PRDM10: variants seen among roughly 807,000 people sequenced by gnomAD.
PRDM10 encodes PR/SET domain 10, also known as PR domain zinc finger protein 10.
A neutral mutation model predicts 133.1 loss-of-function variants in PRDM10; 65 were observed. The observed-to-expected ratio is 0.49, with a 90% CI of 0.40 to 0.60. PRDM10 has a LOEUF of 0.60. PRDM10 is among the 20% of genes least tolerant of loss of function. The pLI, the probability that PRDM10 is intolerant of heterozygous loss-of-function variation, is 0.00. For missense variants in PRDM10, 1,137 were observed against 1,507.1 expected (o/e 0.75, Z 4.07); for synonymous variants, 582 against 580.4 (o/e 1.00, Z -0.04).
intron 11 of PRDM10, among the ~76,000 whole-genome samples, chr11:129,929,760 A>G (rs1267009974): frequency 1.3e-5 from 2 of 151,838 alleles, no homozygotes; most frequent in Non-Finnish European, 2.9e-5. Flanking sequence ...TCCTTCCAAA[A>G]AAAAAAAAAA....
At chr11:129,904,830 ACT>A (rs553805568) in intron 20 of PRDM10, among the ~76,000 whole-genome samples, 111 of 152,332 alleles carry the variant, frequency 7.3e-4, no homozygotes, top group African/African-American at 2.6e-3. Context: ...ACATGTATGT[ACT>A]CTGTCTTCTA....
chr11:129,942,286 A>G (rs937486403), intron 7 of PRDM10, 140 bp downstream of exon 7: 19 of 718,402 alleles, frequency 2.6e-5, no homozygotes, highest in Admixed American at 1.9e-4. Flanking sequence ...TAGCTACTCA[A>G]TAAGTATGTG....
intron 1 of PRDM10, among the ~76,000 whole-genome samples, chr11:129,967,601 A>G (rs749386716): frequency 3.9e-5 from 6 of 152,102 alleles, no homozygotes; most frequent in Non-Finnish European, 8.8e-5. Flanking sequence ...CATCAAACAC[A>G]TTTTTTAGTA....
intron 1 of PRDM10, among the ~76,000 whole-genome samples, chr11:130,001,032 G>A (rs1425613397): frequency 6.6e-6 from 1 of 152,138 alleles, no homozygotes; most frequent in Non-Finnish European, 1.5e-5. Context: ...CCTTGAGCCC[G>A]GGAGGTCGAG....
chr11:129,994,487 A>G (rs1054843899), intron 1 of PRDM10, among the ~76,000 whole-genome samples: 13 of 149,442 alleles, frequency 8.7e-5, no homozygotes, highest in African/African-American at 3.2e-4. Flanking sequence ...AAAAAAAGAA[A>G]CGAAACTGGT....
chr11:129,907,398 T>C (rs1435768326), intron 19 of PRDM10, among the ~76,000 whole-genome samples: 1 of 152,156 alleles, frequency 6.6e-6, no homozygotes, highest in South Asian at 2.1e-4. Flanking sequence ...TGGAACCCAA[T>C]ATGAGCAAAC....
Position 129,942,690 on chromosome 11 carries a change from A to C in PRDM10, c.763-61T>G. On this transcript the variant is annotated intron_variant, in intron 6 of 20. Transcript: ENST00000360871. ...AAACCTTCAATATGAGACACATTTT[A>C]TAATGTCACAATACGCAAAATATTG... 2.8e-6 allele frequency: 4 copies of C among 1,420,470 alleles called. No individual in the cohort carries two copies. In the South Asian group the frequency reaches 4.9e-5, roughly 17 times the overall value. 88.0% of individuals were successfully genotyped at this position (1,420,470 alleles called of 1,614,324 possible).
At chr11:129,946,549 C>T (rs1951418248) in intron 5 of PRDM10, among the ~76,000 whole-genome samples, 1 of 151,978 alleles carries the variant, frequency 6.6e-6, no homozygotes, top group Non-Finnish European at 1.5e-5. Flanking sequence ...ATGTGAACCC[C>T]CAGCAAGCAG....
rs201374213 is a variant in PRDM10 at position 129,902,507 on chromosome 11, C to A, written c.3277G>T (p.Val1093Leu). The A allele has an allele frequency of 6.2e-7, 1 of 1,613,870 alleles. No homozygotes were observed. The highest frequency in any genetic ancestry group is 2.2e-5 in the East Asian group (1 of 44,880). Residue 1093 changes from valine (V) to leucine (L), a missense_variant, in exon 21 of 21, where the codon GTG (valine) becomes TTG (leucine). This residue lies in a region of PRDM10 where 243 missense variants were observed against 259.2 expected (regional missense o/e 0.94). Coordinates refer to ENST00000360871, the MANE Select transcript of PRDM10 (RefSeq NM_199437.2). ...AATTCTGATTGACTTTCTGATAACA[C>A]ATAATGACCCTAGAGGAAGAAGAAA... ...QVKAVTSGHYVLSESQSELEE... is the reference protein window; with the variant it reads ...QVKAVTSGHYLLSESQSELEE...
intron 3 of PRDM10, among the ~76,000 whole-genome samples, chr11:129,957,141 T>C (rs1241807159): frequency 6.6e-6 from 1 of 152,336 alleles, no homozygotes; most frequent in East Asian, 1.9e-4. Flanking sequence ...AAATAATCTG[T>C]ATGTTTTCAC....
At chr11:129,991,240 C>G (rs936790636) in intron 1 of PRDM10, among the ~76,000 whole-genome samples, 1 of 152,122 alleles carries the variant, frequency 6.6e-6, no homozygotes, top group African/African-American at 2.4e-5. Flanking sequence ...GACTTATTCT[C>G]AATTAAAAGA....
chr11:129,946,011 C>T (rs953523812), intron 5 of PRDM10, among the ~76,000 whole-genome samples: 23 of 151,556 alleles, frequency 1.5e-4, no homozygotes, highest in Admixed American at 9.2e-4. Context: ...CTGAGGTGGG[C>T]GGATCACTTG....
In PRDM10 at chr11:129,935,130, A is replaced by G; in HGVS notation, c.1128T>C (p.Ser376=). 1 of 1,614,002 alleles carries G rather than the reference A, an allele frequency of 6.2e-7. No homozygotes were observed. Among genetic ancestry groups the G allele is most frequent in the East Asian group, 2.2e-5 (1 of 44,876 alleles). ...TAAACACATCTAGTTTCTCATCATG[A>G]GAATTGAGATGCTGTTGCAACTGCT... ...SSEQLQQHLN[S]HDEKLDVFSR... The change falls in exon 9 of 21, where the codon TCT becomes TCC. Residue 376 remains serine (S), a synonymous_variant. Transcript: ENST00000360871.
intron 1 of PRDM10, among the ~76,000 whole-genome samples, chr11:129,987,317 C>T (rs1938483686): frequency 6.6e-6 from 1 of 152,140 alleles, no homozygotes; most frequent in African/African-American, 2.4e-5. Context: ...TTCTATTATG[C>T]TTATTTTTGT....
chr11:129,971,516 A>G (rs563594909), intron 1 of PRDM10, among the ~76,000 whole-genome samples: 26 of 151,458 alleles, frequency 1.7e-4, no homozygotes, highest in Admixed American at 7.2e-4. Context: ...CCTTGAGCTA[A>G]ACACAGGGTG....
At chr11:130,001,837 G>A (rs537165128) in intron 1 of PRDM10, among the ~76,000 whole-genome samples, 4 of 151,998 alleles carry the variant, frequency 2.6e-5, no homozygotes, top group African/African-American at 4.8e-5. Flanking sequence ...GCTGCACCCT[G>A]GGTGCAGGCG....
chr11:129,932,087 C>G lies in PRDM10; in HGVS notation c.1287+15G>C, dbSNP rs1333234482. ...CACAAGCACCTAAGGAGGGCTCCTT[C>G]CCGTCCCCCCGTACCTGTGTCCCAT... is the stretch of plus-strand genomic sequence containing the variant. On this transcript the variant is annotated intron_variant, in intron 10 of 20. Transcript: ENST00000360871. 2 of 1,610,236 alleles carry G rather than the reference C, an allele frequency of 1.2e-6. No individual in the cohort carries two copies. The highest frequency in any genetic ancestry group is 1.7e-6 in the Non-Finnish European group (2 of 1,177,254).
Position 129,910,613 on chromosome 11 carries a change from T to C in PRDM10, c.3026A>G (p.Gln1009Arg), listed in dbSNP as rs367621505. The change falls in exon 19 of 21, where the codon CAG becomes CGG. Residue 1009 changes from glutamine to arginine, a missense_variant. Coordinates refer to ENST00000360871, the MANE Select transcript of PRDM10 (RefSeq NM_199437.2). ...CTGGATGTGGGAGGGGCTGAGCCCC[T>C]GCTGAGCCTGCTGGGCTGAGGGACT... is the stretch of plus-strand genomic sequence containing the variant. ...PLSPSAQQAQ[Q>R]GLSPSHIQGS... The C allele has an allele frequency of 1.9e-6, 3 of 1,609,856 alleles. No individual in the cohort carries two copies.
At chr11:129,962,815 T>C (rs1404821702) in intron 1 of PRDM10, among the ~76,000 whole-genome samples, 1 of 152,106 alleles carries the variant, frequency 6.6e-6, no homozygotes, top group Admixed American at 6.6e-5. Context: ...ATATAAACTA[T>C]ATCTCAACAA....
Sources: allele counts gnomAD v4.1 joint callset (sites outside exome capture counted in the v4.1 genomes callset), GRCh38; gene constraint gnomAD v4.1.1; regional missense constraint gnomAD v4.1.1; transcripts MANE v1.5; gene names NCBI Gene and HGNC (gene_info 2026-07-23, HGNC 2026-07-21).